Variants in PCNX1 observed in about 807,000 individuals in gnomAD.
PCNX1 encodes the protein pecanex 1.
Under a neutral mutation model 242.2 loss-of-function variants are expected in PCNX1, and 78 were observed. The observed-to-expected ratio is 0.32, with a 90% confidence interval of 0.27 to 0.39. The LOEUF is 0.39. PCNX1 is among the 10% of genes least tolerant of loss of function. PCNX1 has a pLI of 1.00. For synonymous variants in PCNX1, 1,024 were observed against 1,032.9 expected, an observed-to-expected ratio of 0.99 and a Z score of 0.17; for missense variants, 2,581 against 2,856.5, an observed-to-expected ratio of 0.90 and a Z score of 2.20.
intron 1 of PCNX1, among the ~76,000 whole-genome samples, chr14:70,912,365 T>C (rs904977502): frequency 6.6e-6 from 1 of 152,212 alleles, no homozygotes; most frequent in Non-Finnish European, 1.5e-5. Context: ...ATTCGGTAGA[T>C]CTGGAGTGTG....
At position 71,044,018 on chromosome 14, in the gene PCNX1, T is replaced by C. The variant is rs557672807; in HGVS notation, c.3868-1115T>C. On this transcript the variant is annotated intron_variant, in intron 19 of 35. Transcript: ENST00000304743. ...CTTTAGATATATCTATAGTGTTGAT[T>C]GGACAGGATGCTTTGGCTTTGGTTC... Among the ~76,000 whole-genome samples, 6 of 152,338 alleles carry C rather than the reference T, an allele frequency of 3.9e-5. No individual in the cohort carries two copies. In the South Asian group the frequency reaches 1.0e-3, roughly 26 times the overall value.
chr14:70,994,830 A>G (rs546503302), intron 7 of PCNX1, among the ~76,000 whole-genome samples: 1 of 152,068 alleles, frequency 6.6e-6, no homozygotes, highest in South Asian at 2.1e-4. Flanking sequence ...ATAAGTTAAT[A>G]TAGTCTCTTA....
At position 71,070,789 on chromosome 14, in the gene PCNX1, A is replaced by G. The variant is rs75138478; in HGVS notation, c.4853-2756A>G. 4.6e-5 allele frequency among the ~76,000 whole-genome samples: 7 copies of G among 152,310 alleles called. No individual in the cohort carries two copies. The East Asian group carries it at 5.8e-4, about 13-fold the overall frequency. On this transcript the variant is annotated intron_variant, in intron 26 of 35. Coordinates refer to ENST00000304743, the MANE Select transcript of PCNX1 (RefSeq NM_014982.3). ...TTTGAAATGGTAAATGAGCATTTCAACTTAAACTTAGCAGCTCCGTTAGAC... is the reference window on the plus strand; with the variant it reads ...TTTGAAATGGTAAATGAGCATTTCAGCTTAAACTTAGCAGCTCCGTTAGAC...
chr14:70,951,951 G>T (rs1421023753), intron 2 of PCNX1, among the ~76,000 whole-genome samples: 1 of 151,762 alleles, frequency 6.6e-6, no homozygotes, highest in Non-Finnish European at 1.5e-5. Flanking sequence ...TTCTATTTCT[G>T]TTAAGAAATG....
chr14:70,910,882 G>A (rs914124069), intron 1 of PCNX1, among the ~76,000 whole-genome samples: 6 of 152,154 alleles, frequency 3.9e-5, no homozygotes, highest in Non-Finnish European at 7.3e-5. Context: ...TAGCCTGGGG[G>A]TAATGAGTTG....
chr14:71,077,728 TTC>T, intron 28 of PCNX1, among the ~76,000 whole-genome samples: 1 of 152,320 alleles, frequency 6.6e-6, no homozygotes, highest in East Asian at 1.9e-4. Context: ...AAAGCTAAAC[TTC>T]TTTCTTCCAA....
At chr14:71,026,731 C>A in intron 14 of PCNX1, 41 bp from the exon 15 acceptor site, 1 of 875,532 alleles carries the variant, frequency 1.1e-6, no homozygotes, top group Non-Finnish European at 1.8e-6. Flanking sequence ...AGAATGGATA[C>A]AGTATAATAT....
chr14:71,034,084 G>A (rs760678058), intron 18 of PCNX1, 48 bp downstream of exon 18: 5 of 979,918 alleles, frequency 5.1e-6, no homozygotes, highest in Non-Finnish European at 6.4e-6. Flanking sequence ...ATCTTAGACA[G>A]TTGATCATGT....
intron 1 of PCNX1, among the ~76,000 whole-genome samples, chr14:70,916,027 A>G (rs1167238570): frequency 6.6e-6 from 1 of 152,164 alleles, no homozygotes; most frequent in Non-Finnish European, 1.5e-5. Flanking sequence ...TTTATGATTT[A>G]TGTAATCTCC....
In PCNX1 at chr14:71,055,574, A is replaced by C. The variant is rs376114664; in HGVS notation, c.4636+12A>C. On this transcript the variant is annotated intron_variant, in intron 25 of 35. Coordinates refer to ENST00000304743, the MANE Select transcript of PCNX1 (RefSeq NM_014982.3). ...TGATAGAAATCCAGGTAATAGCTCT[A>C]TTTGTGACTAAGGAGGCAAGACTAA... 6.4e-7 allele frequency: 1 copy of C among 1,550,526 alleles called. No individual in the cohort carries two copies. The highest frequency in any genetic ancestry group is 8.9e-7 in the Non-Finnish European group (1 of 1,124,464).
At chr14:71,073,470 T>C in intron 26 of PCNX1, 75 bp from the exon 27 acceptor site, 1 of 1,369,990 alleles carries the variant, frequency 7.3e-7, no homozygotes, top group Admixed American at 2.1e-5. Flanking sequence ...TTTTTCTAAA[T>C]CTTATGTGTC....
intron 21 of PCNX1, 119 bp downstream of exon 21, chr14:71,047,224 A>C: frequency 1.8e-6 from 1 of 564,240 alleles, no homozygotes; most frequent in Non-Finnish European, 2.8e-6. Flanking sequence ...GTGAGATTAA[A>C]AATTTAGGTG....
intron 16 of PCNX1, among the ~76,000 whole-genome samples, chr14:71,029,613 CTACTT>C (rs1402470903): frequency 6.6e-6 from 1 of 152,186 alleles, no homozygotes; most frequent in African/African-American, 2.4e-5. Flanking sequence ...CAAATTAAGA[CTACTT>C]TATTCTGCCA....
chr14:71,075,342 A>T (rs2061690247), intron 27 of PCNX1, among the ~76,000 whole-genome samples: 1 of 152,106 alleles, frequency 6.6e-6, no homozygotes, highest in East Asian at 1.9e-4. Flanking sequence ...TTATTTGCTG[A>T]TTGGGATGAA....
In PCNX1 at chr14:71,114,127, C is replaced by T. The variant is rs1222199404; in HGVS notation, c.*4192C>T. ...GGTTGGACATTCTGTTTCAGTCTTA[C>T]ATGGATATTGTTTCATTGGTGTTGA... On this transcript the variant is annotated 3_prime_UTR_variant, in exon 36 of 36. Transcript: ENST00000304743. 6.6e-6 allele frequency: 1 copy of T among 152,132 alleles called. No individual in the cohort carries two copies. Among genetic ancestry groups the T allele is most frequent in the East Asian group, 1.9e-4 (1 of 5,204 alleles). The allele number at this position is 152,132 out of a possible 1,614,324, so 9.4% of individuals were successfully genotyped here.
intron 2 of PCNX1, among the ~76,000 whole-genome samples, chr14:70,956,889 A>T (rs1416631375): frequency 6.6e-6 from 1 of 152,174 alleles, no homozygotes; most frequent in African/African-American, 2.4e-5. Flanking sequence ...TAAGAGGAGA[A>T]TCATATCATA....
At chr14:71,014,091 C>CA (rs1168696280) in intron 11 of PCNX1, among the ~76,000 whole-genome samples, 1 of 152,162 alleles carries the variant, frequency 6.6e-6, no homozygotes, top group Non-Finnish European at 1.5e-5. Context: ...TCACACAGCA[C>CA]TGGGAATAGT....
chr14:71,051,847 G>T, intron 23 of PCNX1, 36 bp from the exon 24 acceptor site: 1 of 1,603,980 alleles, frequency 6.2e-7, no homozygotes, highest in Non-Finnish European at 8.5e-7. Context: ...TCTGTGCTCA[G>T]ATGAATGTCA....
chr14:71,087,665 C>T (rs1296761314), intron 28 of PCNX1, among the ~76,000 whole-genome samples: 2 of 152,086 alleles, frequency 1.3e-5, no homozygotes, highest in Non-Finnish European at 2.9e-5. Context: ...TAGGACTATA[C>T]TTTGAGAAGC....
Sources: gnomAD v4.1 joint callset for allele counts (sites outside exome capture counted in the v4.1 genomes callset) on GRCh38, gnomAD v4.1.1 for gene constraint, MANE v1.5 for transcripts, NCBI Gene and HGNC (gene_info 2026-07-23, HGNC 2026-07-21) for gene names.